PDE5A: variants seen among roughly 807,000 people sequenced by gnomAD.
PDE5A encodes the protein cGMP-specific 3',5'-cyclic phosphodiesterase.
In PDE5A, 67 loss-of-function variants were observed where a neutral mutation model predicts 110.2. The observed-to-expected ratio is 0.61, with a 90% CI of 0.50 to 0.75. PDE5A has a LOEUF of 0.75. Ranked by LOEUF, PDE5A falls within the 30% of genes least tolerant of loss-of-function variation. The pLI, the probability that PDE5A is intolerant of heterozygous loss-of-function variation, is 0.00. For synonymous variants in PDE5A, 328 were observed against 351.2 expected, an observed-to-expected ratio of 0.93 and a Z score of 0.74; for missense variants, 862 against 1,045.1, an observed-to-expected ratio of 0.82 and a Z score of 2.42.
intron 3 of PDE5A, among the ~76,000 whole-genome samples, chr4:119,578,218 C>T (rs1441316705): frequency 1.3e-5 from 2 of 152,046 alleles, no homozygotes; most frequent in Non-Finnish European, 2.9e-5. Flanking sequence ...ACATTCCATG[C>T]TCATGGGTAG....
At chr4:119,628,016 T>A (rs1730424722) in intron 1 of PDE5A, 1 of 985,260 alleles carries the variant, frequency 1.0e-6, no homozygotes, top group Admixed American at 6.1e-5. Context: ...TCCGTCATGT[T>A]GCCTTTGGGC....
rs547582277 is a variant in PDE5A at position 119,585,092 on chromosome 4, A to G, written c.831+11431T>C. Reference sequence around the variant, plus strand: ...AGTTTGAGACCTGCCTGGCCAACACAGTGAAACCCCATCTCTACTAAAAAT... The same window carrying G: ...AGTTTGAGACCTGCCTGGCCAACACGGTGAAACCCCATCTCTACTAAAAAT... On this transcript the variant is annotated intron_variant, in intron 3 of 20. Transcript: ENST00000354960. 8.5e-5 allele frequency among the ~76,000 whole-genome samples: 13 copies of G among 152,182 alleles called. No individual in the cohort carries two copies. In the South Asian group the frequency reaches 1.9e-3, roughly 22 times the overall value.
intron 2 of PDE5A, among the ~76,000 whole-genome samples, chr4:119,606,043 T>G (rs938242145): frequency 2.0e-5 from 3 of 152,236 alleles, no homozygotes; most frequent in Non-Finnish European, 4.4e-5. Flanking sequence ...TTATTTTAAA[T>G]GGGAAATTTG....
intron 9 of PDE5A, chr4:119,549,256 G>C (rs1463201155): frequency 6.6e-6 from 1 of 152,162 alleles, no homozygotes; most frequent in Non-Finnish European, 1.5e-5. Flanking sequence ...TTGATAGAAA[G>C]GAACTAAAAT....
intron 2 of PDE5A, among the ~76,000 whole-genome samples, chr4:119,602,360 G>T (rs1330618491): frequency 6.6e-6 from 1 of 152,186 alleles, no homozygotes; most frequent in East Asian, 1.9e-4. Context: ...GGTAAAGGGT[G>T]TATGGCAGTT....
intron 11 of PDE5A, among the ~76,000 whole-genome samples, chr4:119,527,826 T>C (rs1224883598): frequency 1.3e-5 from 2 of 152,118 alleles, no homozygotes; most frequent in Non-Finnish European, 2.9e-5. Context: ...AATAAGGTAC[T>C]ATAAATATAA....
At chr4:119,504,365 G>C (rs908246881) in intron 18 of PDE5A, among the ~76,000 whole-genome samples, 171 bp downstream of exon 18, 2 of 152,088 alleles carry the variant, frequency 1.3e-5, no homozygotes, top group Non-Finnish European at 2.9e-5. Context: ...TGGACAGTTA[G>C]GTTAGTTCCA....
chr4:119,500,305 C>G (rs1167158560), intron 20 of PDE5A: 2 of 148,930 alleles, frequency 1.3e-5, no homozygotes, highest in East Asian at 3.9e-4. Context: ...GGTATCTCTC[C>G]TTCCTTTCCC....
At chr4:119,561,628 C>T (rs1214767826) in intron 6 of PDE5A, among the ~76,000 whole-genome samples, 1 of 152,106 alleles carries the variant, frequency 6.6e-6, no homozygotes, top group Non-Finnish European at 1.5e-5. Flanking sequence ...AAGTGACATA[C>T]TACATTAAGG....
At chr4:119,524,548 G>T (rs1182222674) in intron 12 of PDE5A, among the ~76,000 whole-genome samples, 1 of 152,120 alleles carries the variant, frequency 6.6e-6, no homozygotes, top group African/African-American at 2.4e-5. Context: ...TACCATAAAT[G>T]ACAATGTATT....
intron 5 of PDE5A, among the ~76,000 whole-genome samples, chr4:119,565,010 C>T (rs1028593801): frequency 3.9e-5 from 6 of 152,036 alleles, no homozygotes; most frequent in African/African-American, 7.2e-5. Context: ...CATTATTTAA[C>T]AACACAAGTG....
At chr4:119,584,983 T>C (rs1445360595) in intron 3 of PDE5A, among the ~76,000 whole-genome samples, 1 of 152,172 alleles carries the variant, frequency 6.6e-6, no homozygotes, top group Non-Finnish European at 1.5e-5. Flanking sequence ...GCATAATATT[T>C]TAAAAGTCTT....
At chr4:119,582,183 G>A (rs1041116532) in intron 3 of PDE5A, among the ~76,000 whole-genome samples, 1 of 152,186 alleles carries the variant, frequency 6.6e-6, no homozygotes, top group Non-Finnish European at 1.5e-5. Flanking sequence ...GCGTGCCACT[G>A]CTTTATCAAC....
At chr4:119,518,983 T>TA (rs1195598509) in intron 14 of PDE5A, 62 bp downstream of exon 14, 6 of 1,214,174 alleles carry the variant, frequency 4.9e-6, no homozygotes, top group Admixed American at 1.8e-5. Context: ...GGCTTTAACT[T>TA]AAAAAAAGAC....
At chr4:119,618,401 T>C (rs1730017045) in intron 1 of PDE5A, among the ~76,000 whole-genome samples, 1 of 152,132 alleles carries the variant, frequency 6.6e-6, no homozygotes, top group Non-Finnish European at 1.5e-5. Context: ...TTAAAAACAA[T>C]AACTTCTCTA....
intron 1 of PDE5A, among the ~76,000 whole-genome samples, chr4:119,622,489 C>G (rs1730184838): frequency 6.6e-6 from 1 of 152,268 alleles, no homozygotes; most frequent in East Asian, 1.9e-4. Flanking sequence ...AAAGTCTCCC[C>G]TCTCCTGAAG....
intron 3 of PDE5A, among the ~76,000 whole-genome samples, chr4:119,574,854 A>G (rs1728275048): frequency 6.6e-6 from 1 of 152,260 alleles, no homozygotes; most frequent in Admixed American, 6.5e-5. Context: ...ATATCAGAAC[A>G]GTGTTGCCCA....
Position 119,596,505 on chromosome 4 carries a change from A to G in PDE5A, c.831+18T>C. On this transcript the variant is annotated intron_variant, in intron 3 of 20. Coordinates refer to ENST00000354960, the MANE Select transcript of PDE5A (RefSeq NM_001083.4). ...AAATATTTCCAATGACCTTTTATAAAATGGAAAATTGGCTTACCTCTTCCC... is the reference window on the plus strand; with the variant it reads ...AAATATTTCCAATGACCTTTTATAAGATGGAAAATTGGCTTACCTCTTCCC... 1 of 1,412,528 alleles carries G rather than the reference A, an allele frequency of 7.1e-7. No homozygotes were observed. Among genetic ancestry groups the G allele is most frequent in the Non-Finnish European group, 9.7e-7 (1 of 1,026,476 alleles). The allele number at this position is 1,412,528 out of a possible 1,614,324, so 87.5% of individuals were successfully genotyped here.
At chr4:119,554,194 A>C (rs1727458952) in intron 7 of PDE5A, among the ~76,000 whole-genome samples, 1 of 152,140 alleles carries the variant, frequency 6.6e-6, no homozygotes, top group South Asian at 2.1e-4. Context: ...AACAGCTTAG[A>C]AAAAATTTTT....
Sources: gnomAD v4.1 joint callset for allele counts (sites outside exome capture counted in the v4.1 genomes callset) on GRCh38, gnomAD v4.1.1 for gene constraint, MANE v1.5 for transcripts, NCBI Gene and HGNC (gene_info 2026-07-23, HGNC 2026-07-21) for gene names.